Variants in XKR9 observed in about 807,000 individuals in gnomAD.
The protein encoded by XKR9 is XK-related protein 9.
Under a neutral mutation model 32.0 loss-of-function variants are expected in XKR9, and 32 were observed. The ratio of observed to expected loss-of-function variants is 1.00; its 90% CI spans 0.76 to 1.34. The LOEUF is 1.34. Among genes scored for constraint, XKR9 ranks in the 40% most tolerant of loss-of-function variants. The pLI is 0.00. For missense variants in XKR9, 546 were observed against 429.7 expected (o/e 1.27, Z -2.39); for synonymous variants, 168 against 143.4 (o/e 1.17, Z -1.22).
rs188914435 is a variant in XKR9, at chr8:70,708,510, C to T, written c.493+1357C>T. The stretch of plus-strand genomic sequence containing the variant: ...GTTGTTAGTATGGAACATTATGTAG[C>T]CACTAGAGTGTTTACAAAGAACTTT... On this transcript the variant is annotated intron_variant, in intron 4 of 4. Transcript: ENST00000408926. 2.6e-3 allele frequency among the ~76,000 whole-genome samples: 391 copies of T among 152,096 alleles called. 3 individuals carry two copies. Among genetic ancestry groups the T allele is most frequent in the African/African-American group, 8.7e-3 (362 of 41,526 alleles).
chr8:70,712,713 A>C (rs1805960267), intron 4 of XKR9, among the ~76,000 whole-genome samples: 1 of 152,092 alleles, frequency 6.6e-6, no homozygotes, highest in Non-Finnish European at 1.5e-5. Flanking sequence ...AAACAAACAA[A>C]ATAACTCCCC....
the XKR9 span, among the ~76,000 whole-genome samples, chr8:70,843,029 G>A: frequency 1.1e-4 from 17 of 152,102 alleles, no homozygotes; most frequent in South Asian, 4.1e-4. Context: ...TAATTAAGTC[G>A]GGATGCACGC....
At chr8:70,704,589 C>CCACG (rs1187119393) in intron 3 of XKR9, among the ~76,000 whole-genome samples, 1 of 152,170 alleles carries the variant, frequency 6.6e-6, no homozygotes, top group African/African-American at 2.4e-5. Context: ...AGAATTTGAA[C>CCACG]CACGGCATTC....
downstream of XKR9, among the ~76,000 whole-genome samples, chr8:70,739,767 C>G (rs1034780098): frequency 3.3e-5 from 5 of 152,176 alleles, no homozygotes; most frequent in Non-Finnish European, 7.3e-5. Flanking sequence ...GTTGAAAATT[C>G]TTTTCTTTCA....
exon 4 of XKR9, chr8:70,790,151 C>T (rs1178777781): frequency 6.6e-6 from 1 of 150,998 alleles, no homozygotes; most frequent in African/African-American, 2.4e-5. Context: ...TTTCTTATAG[C>T]AAGATCTTTA....
the XKR9 span, among the ~76,000 whole-genome samples, chr8:70,995,349 T>C: frequency 3.9e-5 from 6 of 152,214 alleles, no homozygotes; most frequent in Non-Finnish European, 8.8e-5. Flanking sequence ...GCCATTACTA[T>C]AGTTATCAAC....
chr8:71,015,140 T>G, the XKR9 span, among the ~76,000 whole-genome samples: 1 of 152,226 alleles, frequency 6.6e-6, no homozygotes, highest in Non-Finnish European at 1.5e-5. Flanking sequence ...TTTGGGTCTG[T>G]GAAACCATTG....
At chr8:70,760,240 C>T (rs1385399426) in intron 2 of XKR9, among the ~76,000 whole-genome samples, 6 of 152,204 alleles carry the variant, frequency 3.9e-5, no homozygotes, top group Non-Finnish European at 7.3e-5. Flanking sequence ...TATTCTCAAA[C>T]TACTTTGTAA....
At chr8:71,005,275 T>C in the XKR9 span, among the ~76,000 whole-genome samples, 2 of 148,486 alleles carry the variant, frequency 1.3e-5, no homozygotes, top group African/African-American at 5.0e-5. Flanking sequence ...CAGGCTGGAG[T>C]GCAGTGGTGC....
the XKR9 span, among the ~76,000 whole-genome samples, chr8:70,837,140 A>G: frequency 1.3e-5 from 2 of 152,032 alleles, no homozygotes; most frequent in African/African-American, 2.4e-5. Context: ...CATACCTCTA[A>G]TACCACTTAT....
the XKR9 span, among the ~76,000 whole-genome samples, chr8:71,011,511 C>G: frequency 2.0e-5 from 3 of 152,140 alleles, no homozygotes; most frequent in East Asian, 5.8e-4. Context: ...TGAAACTAAA[C>G]GTAAACTTCT....
intron 2 of XKR9, among the ~76,000 whole-genome samples, chr8:70,751,622 A>G (rs759109536): frequency 3.9e-5 from 6 of 152,114 alleles, no homozygotes; most frequent in Non-Finnish European, 8.8e-5. Flanking sequence ...TGGATGGAAC[A>G]AAAAGGCAGA....
At chr8:71,038,085 A>G in the XKR9 span, among the ~76,000 whole-genome samples, 7 of 152,082 alleles carry the variant, frequency 4.6e-5, no homozygotes, top group African/African-American at 1.7e-4. Context: ...TAATTTTTAA[A>G]GGGTTTTTTT....
intron 2 of XKR9, among the ~76,000 whole-genome samples, chr8:70,676,195 G>T (rs1378909123): frequency 6.6e-6 from 1 of 152,068 alleles, no homozygotes; most frequent in East Asian, 1.9e-4. Context: ...AGTAGTGGGG[G>T]AGATGCAATG....
chr8:70,891,827 T>A, the XKR9 span, among the ~76,000 whole-genome samples: 2 of 152,200 alleles, frequency 1.3e-5, no homozygotes, highest in Middle Eastern at 3.4e-3. Flanking sequence ...TCTGTCTAGA[T>A]AATTTGTCTA....
chr8:70,801,383 G>T, the XKR9 span, among the ~76,000 whole-genome samples: 2 of 152,092 alleles, frequency 1.3e-5, no homozygotes, highest in African/African-American at 4.8e-5. Flanking sequence ...GTTTTCATTG[G>T]TTTCAAATAA....
At chr8:71,041,327 T>G in the XKR9 span, among the ~76,000 whole-genome samples, 17 of 152,170 alleles carry the variant, frequency 1.1e-4, no homozygotes, top group Admixed American at 1.1e-3. Context: ...GGGAATTTTC[T>G]GAAAAATAAG....
the XKR9 span, among the ~76,000 whole-genome samples, chr8:70,905,511 G>A: frequency 6.6e-6 from 1 of 152,074 alleles, no homozygotes; most frequent in Non-Finnish European, 1.5e-5. Flanking sequence ...ATTCTAGTTA[G>A]CCATTCGTCT....
chr8:70,800,643 G>A, the XKR9 span, among the ~76,000 whole-genome samples: 2 of 151,950 alleles, frequency 1.3e-5, no homozygotes, highest in East Asian at 1.9e-4. Flanking sequence ...CTGTCACCAC[G>A]CCCAGCTAAT....
Sources: gnomAD v4.1 joint callset for allele counts (sites outside exome capture counted in the v4.1 genomes callset) on GRCh38, gnomAD v4.1.1 for gene constraint, MANE v1.5 for transcripts, NCBI Gene and HGNC (gene_info 2026-07-23, HGNC 2026-07-21) for gene names.